The following TNXB variants were observed in gnomAD, a reference collection of about 807,000 sequenced individuals.
TNXB encodes the protein tenascin XB.
In TNXB, 183 loss-of-function variants were observed where a neutral mutation model predicts 340.5. The observed-to-expected ratio is 0.54, with a 90% confidence interval of 0.48 to 0.61. The LOEUF is 0.61. TNXB is among the 20% of genes least tolerant of loss of function. The pLI is 0.00. For missense variants in TNXB, 4,613 were observed against 5,446.4 expected, an observed-to-expected ratio of 0.85 and a Z score of 4.82; for synonymous variants, 2,121 against 2,314.5, an observed-to-expected ratio of 0.92 and a Z score of 2.40.
chr6:32,068,310 A>C lies in TNXB; in HGVS notation c.6220+80T>G. The C allele has an allele frequency of 6.5e-7, 1 of 1,542,264 alleles. No homozygotes were observed. Among genetic ancestry groups the C allele is most frequent in the Non-Finnish European group, 8.8e-7 (1 of 1,140,426 alleles). On this transcript the variant is annotated intron_variant, in intron 17 of 43. Transcript: ENST00000644971. This position sits in a 1 kb window ranked among gnomAD's most constrained non-coding sequence, Gnocchi z 5.3. ...GTGGTGCTGACCAGACCCTTGTCCC[A>C]TTCCCCACCAGTCATCACCAAAGAG...
At chr6:32,093,125 C>A in intron 4 of TNXB, 1 of 486,404 alleles carries the variant, frequency 2.1e-6, no homozygotes, top group Non-Finnish European at 3.7e-6. Context: ...ATTCTTCTTT[C>A]CCTGAAATTT....
chr6:32,087,761 C>A lies in TNXB; in HGVS notation c.2779+1024G>T. ...TAGCCGTGAGCCCGCAGGTGGCGCTCCAGGTCCTGCACCGTGCCGCGGAAA... is the reference window on the plus strand; with the variant it reads ...TAGCCGTGAGCCCGCAGGTGGCGCTACAGGTCCTGCACCGTGCCGCGGAAA... On this transcript the variant is annotated intron_variant, in intron 6 of 43. Coordinates refer to ENST00000644971, the MANE Select transcript of TNXB (RefSeq NM_001365276.2). This position sits in a 1 kb window ranked among gnomAD's most constrained non-coding sequence, Gnocchi z 9.0. The A allele has an allele frequency of 2.0e-6, 1 of 510,348 alleles. No homozygotes were observed. 31.6% of individuals were successfully genotyped at this position (510,348 alleles called of 1,614,324 possible).
At position 32,097,038 on chromosome 6, in the gene TNXB, C is replaced by T. The variant is rs748095567; in HGVS notation, c.815G>A (p.Gly272Asp). ...GRCVCDPGYT[G>D]DDCGMRSCPR... ...GCAGCTCCTCATGCCACAGTCGTCA[C>T]CAGTGTAGCCTGGGTCACACACGCA... Residue 272 changes from glycine (G) to aspartate (D), a missense_variant, in exon 3 of 44, where the codon GGT becomes GAT. By Grantham distance (94) the Gly-to-Asp change is moderately conservative. This residue lies in a region of TNXB where 4,327 missense variants were observed against 4,859.4 expected (regional missense o/e 0.89). Coordinates refer to ENST00000644971, the MANE Select transcript of TNXB (RefSeq NM_001365276.2). This position sits in a 1 kb window ranked among gnomAD's most constrained non-coding sequence, Gnocchi z 5.9. 4 of 1,613,644 alleles carry T rather than the reference C, an allele frequency of 2.5e-6. No homozygotes were observed. Among genetic ancestry groups the T allele is most frequent in the East Asian group, 4.5e-5 (2 of 44,858 alleles).
rs1778058157 is a variant in TNXB, at chr6:32,062,160, T to G, written c.7165A>C (p.Thr2389Pro). 1 of 1,610,190 alleles carries G rather than the reference T, an allele frequency of 6.2e-7. No individual in the cohort carries two copies. Among genetic ancestry groups the G allele is most frequent in the Non-Finnish European group, 8.5e-7 (1 of 1,177,564 alleles). Residue 2389 changes from threonine (T) to proline (P), a missense_variant, in exon 20 of 44, where the codon ACA becomes CCA. By Grantham distance (38) the Thr-to-Pro change is conservative. Coordinates refer to ENST00000644971, the MANE Select transcript of TNXB (RefSeq NM_001365276.2). This position sits in a 1 kb window ranked among gnomAD's most constrained non-coding sequence, Gnocchi z 4.3. ...RVGPVSAIGV[T>P]AAEEETPSPT... ...GGGGCTCCCATCGTCCACTCACCTG[T>G]CACCCCGATGGCAGACACGGGGCCC...
At position 32,081,941 on chromosome 6, in the gene TNXB, G is replaced by T; in HGVS notation, c.3736+95C>A. On this transcript the variant is annotated intron_variant, in intron 9 of 43. Transcript: ENST00000644971. This position sits in a 1 kb window ranked among gnomAD's most constrained non-coding sequence, Gnocchi z 5.1. Reference sequence around the variant, plus strand: ...TGGGGCCGGGAAGCTGGAGTCAGCTGTCTTGCTGGGGGACCCCAGCTGGTT... The same window carrying T: ...TGGGGCCGGGAAGCTGGAGTCAGCTTTCTTGCTGGGGGACCCCAGCTGGTT... 1 of 1,286,442 alleles carries T rather than the reference G, an allele frequency of 7.8e-7. No homozygotes were observed. The highest frequency in any genetic ancestry group is 1.4e-5 in the South Asian group (1 of 69,778). The allele number at this position is 1,286,442 out of a possible 1,614,324, so 79.7% of individuals were successfully genotyped here. A position where few individuals can be genotyped will look rare whatever the true frequency, so the allele number is the denominator to read the frequency against.
chr6:32,085,655 T>C lies in TNXB; in HGVS notation c.3148+95A>G, dbSNP rs1779722025. On this transcript the variant is annotated intron_variant, in intron 7 of 43. Transcript: ENST00000644971. This position sits in a 1 kb window ranked among gnomAD's most constrained non-coding sequence, Gnocchi z 6.4. Reference sequence around the variant, plus strand: ...CCCAAACATCAGCCCTGCCCTTCACTGGCCCCTCAATATCCATCCTACCTC... The same window carrying C: ...CCCAAACATCAGCCCTGCCCTTCACCGGCCCCTCAATATCCATCCTACCTC... 7.2e-7 allele frequency: 1 copy of C among 1,381,906 alleles called. No homozygotes were observed. Among genetic ancestry groups the C allele is most frequent in the Admixed American group, 2.8e-5 (1 of 35,672 alleles). 85.6% of individuals were successfully genotyped at this position (1,381,906 alleles called of 1,614,324 possible).
chr6:32,069,117 T>C lies in TNXB; in HGVS notation c.5607A>G (p.Glu1869=). Residue 1869 remains glutamate (E), a synonymous_variant, in exon 16 of 44, where the codon GAA becomes GAG. Transcript: ENST00000644971. This position sits in a 1 kb window ranked among gnomAD's most constrained non-coding sequence, Gnocchi z 6.2. ...VAITAGREET[E]TETTAPTPPA... ...GAGGGGTCGGGGCCGTGGTCTCAGT[T>C]TCCGTTTCTTCCCTGCCGGCTGGTT... 1 of 1,608,428 alleles carries C rather than the reference T, an allele frequency of 6.2e-7. No individual in the cohort carries two copies.
chr6:32,081,444 G>A lies in TNXB; in HGVS notation c.3966C>T (p.Asp1322=). 1 of 1,579,010 alleles carries A rather than the reference G, an allele frequency of 6.3e-7. No individual in the cohort carries two copies. Among genetic ancestry groups the A allele is most frequent in the African/African-American group, 1.3e-5 (1 of 74,260 alleles). ...NEVTVPGLDP[D]RKYKMNLYGL... is the part of the protein sequence containing the mutation. ...CGTAGAGGTTCATCTTATACTTCCG[G>A]TCGGGATCCAGGCCGGGGACAGTAA... Residue 1322 remains aspartate (D), a synonymous_variant, in exon 10 of 44, where the codon GAC becomes GAT. Transcript: ENST00000644971. This position sits in a 1 kb window ranked among gnomAD's most constrained non-coding sequence, Gnocchi z 5.1.
At chr6:32,057,794 T>A (rs1777758399) in intron 22 of TNXB, among the ~76,000 whole-genome samples, 1 of 152,198 alleles carries the variant, frequency 6.6e-6, no homozygotes, top group African/African-American at 2.4e-5. Context: ...GTCCTGGCTG[T>A]CCCCTGGGTA....
In TNXB at chr6:32,103,335, C is replaced by T. The variant is rs147994562; in HGVS notation, c.-8-5129G>A. On this transcript the variant is annotated intron_variant, in intron 1 of 43. Transcript: ENST00000644971. ...ATCCCAGCTACTTGGGAGGCTGAGG[C>T]GGGAGAATCGCTTGAACCTGGGAGG... 6.9e-3 allele frequency among the ~76,000 whole-genome samples: 1,039 copies of T among 150,684 alleles called. 4 individuals are homozygous for T. Among genetic ancestry groups the T allele is most frequent in the Middle Eastern group, 0.017 (5 of 288 alleles).
At chr6:32,103,860 T>C (rs4711286) in intron 1 of TNXB, among the ~76,000 whole-genome samples, 55,677 of 151,276 alleles carry the variant, frequency 0.37, 11,298 homozygotes, top group Middle Eastern at 0.45. Context: ...GCCTCCCGAG[T>C]AGCTGGGACT....
rs1778714262 is a variant in TNXB, at chr6:32,070,562, C to G, written c.4991-148G>C. On this transcript the variant is annotated intron_variant, in intron 13 of 43. Transcript: ENST00000644971. This position sits in a 1 kb window ranked among gnomAD's most constrained non-coding sequence, Gnocchi z 6.0. The stretch of plus-strand genomic sequence containing the variant: ...CTCCCATCCTCACCACCATCTCCGT[C>G]TGGTCCATGCCTCTCTCCCCTTGAC... The G allele has an allele frequency of 1.1e-6, 1 of 924,036 alleles. No homozygotes were observed. The allele number at this position is 924,036 out of a possible 1,614,324, so 57.2% of individuals were successfully genotyped here.
Position 32,082,079 on chromosome 6 carries a change from C to T in TNXB, c.3693G>A (p.Ala1231=), listed in dbSNP as rs369459090. The change falls in exon 9 of 44, where the codon GCG becomes GCA. Residue 1231 remains alanine (A), a synonymous_variant. Transcript: ENST00000644971. The surrounding 1 kb of genome is among the most constrained non-coding windows in gnomAD (Gnocchi z 5.0). ...HKYRFTLFGI[A]NKKRYGPLTA... is the part of the protein sequence containing the mutation. ...TGAGGGGGCCATACCGCTTCTTGTT[C>T]GCAATTCCAAACAGAGTGAATCTGT... is the stretch of plus-strand genomic sequence containing the variant. 3.7e-6 allele frequency: 6 copies of T among 1,608,858 alleles called. No individual in the cohort carries two copies. The highest frequency in any genetic ancestry group is 5.1e-6 in the Non-Finnish European group (6 of 1,178,010).
At position 32,083,608 on chromosome 6, in the gene TNXB, C is replaced by G. The variant is rs781771564; in HGVS notation, c.3445+805G>C. ...ACACCTTGCTTTCCTTCGCCTCCCC[C>G]ATCCAGCCCCACTGCCACCATCCCA... On this transcript the variant is annotated intron_variant, in intron 8 of 43. Coordinates refer to ENST00000644971, the MANE Select transcript of TNXB (RefSeq NM_001365276.2). This position sits in a 1 kb window ranked among gnomAD's most constrained non-coding sequence, Gnocchi z 4.6. Among the ~76,000 whole-genome samples, 10 of 152,178 alleles carry G rather than the reference C, an allele frequency of 6.6e-5. No homozygotes were observed. Among genetic ancestry groups the G allele is most frequent in the Non-Finnish European group, 1.5e-4 (10 of 68,028 alleles).
At position 32,062,573 on chromosome 6, in the gene TNXB, C is replaced by T; in HGVS notation, c.6842-90G>A. The T allele has an allele frequency of 7.9e-7, 1 of 1,266,114 alleles. No homozygotes were observed. The highest frequency in any genetic ancestry group is 1.5e-5 in the South Asian group (1 of 65,154). The allele number at this position is 1,266,114 out of a possible 1,614,324, so 78.4% of individuals were successfully genotyped here. A position where few individuals can be genotyped will look rare whatever the true frequency, so the allele number is the denominator to read the frequency against. ...GATTCTCTTAGACACACCAAGGGCC[C>T]ACAGTCTGGATGCTGGTGCCCCAAG... On this transcript the variant is annotated intron_variant, in intron 19 of 43. Coordinates refer to ENST00000644971, the MANE Select transcript of TNXB (RefSeq NM_001365276.2). This position sits in a 1 kb window ranked among gnomAD's most constrained non-coding sequence, Gnocchi z 4.3.
Position 32,058,389 on chromosome 6 carries a change from G to A in TNXB, c.7494C>T (p.Ala2498=). 1.3e-6 allele frequency: 2 copies of A among 1,598,056 alleles called. No individual in the cohort carries two copies. Among genetic ancestry groups the A allele is most frequent in the Non-Finnish European group, 1.7e-6 (2 of 1,172,586 alleles). The part of the protein sequence containing the change: ...VGPVSTVGVT[A]PQEDVDETPS... ...GGGTCTCGTCCACATCCTCTTGTGG[G>A]GCTGAAAGGTAATATAGGGGGATAC... The change falls in exon 22 of 44, where the codon GCC becomes GCT. Residue 2498 remains alanine, a splice_region_variant and synonymous_variant. Transcript: ENST00000644971. The surrounding 1 kb of genome is among the most constrained non-coding windows in gnomAD (Gnocchi z 5.1).
chr6:32,076,695 C>T (rs1779098285), intron 11 of TNXB, among the ~76,000 whole-genome samples: 1 of 152,158 alleles, frequency 6.6e-6, no homozygotes, highest in Non-Finnish European at 1.5e-5. Context: ...CAAGATCATA[C>T]AGCTGGCTGG....
rs1206497767 is a variant in TNXB at position 32,067,787 on chromosome 6, G to A, written c.6418C>T (p.Arg2140Cys). 2.4e-5 allele frequency: 39 copies of A among 1,613,404 alleles called. No individual in the cohort carries two copies. The highest frequency in any genetic ancestry group is 3.3e-5 in the South Asian group (3 of 91,066). ...KDRDGRPQVV[R>C]VGGEESEVTV... ...ACTTCACTCTCCTCGCCCCCAACAC[G>A]CACCACCTGGGGCCGCCCGTCCCTG... The change falls in exon 18 of 44, where the codon CGT becomes TGT. Residue 2140 changes from arginine to cysteine, a missense_variant. Coordinates refer to ENST00000644971, the MANE Select transcript of TNXB (RefSeq NM_001365276.2). The surrounding 1 kb of genome is among the most constrained non-coding windows in gnomAD (Gnocchi z 4.2).
chr6:32,079,109 C>T lies in TNXB; in HGVS notation c.4299G>A (p.Gly1433=). 1 of 1,613,746 alleles carries T rather than the reference C, an allele frequency of 6.2e-7. No individual in the cohort carries two copies. The highest frequency in any genetic ancestry group is 8.5e-7 in the Non-Finnish European group (1 of 1,179,882). The change falls in exon 11 of 44, where the codon GGG becomes GGA. Residue 1433 remains glycine (G), a synonymous_variant. Coordinates refer to ENST00000644971, the MANE Select transcript of TNXB (RefSeq NM_001365276.2). The surrounding 1 kb of genome is among the most constrained non-coding windows in gnomAD (Gnocchi z 7.1). The stretch of plus-strand genomic sequence containing the variant: ...CGTACAGGTGCATCTTGTACTTGTG[C>T]CCGGGCTCTAGGCCTCCCACGGTGA... ...SEVTVGGLEP[G]HKYKMHLYGL... is the part of the protein sequence containing the mutation.
Sources: allele counts gnomAD v4.1 joint callset (sites outside exome capture counted in the v4.1 genomes callset), GRCh38; gene constraint gnomAD v4.1.1; regional missense constraint gnomAD v4.1.1; non-coding constraint Gnocchi (gnomAD v3.1); transcripts MANE v1.5; gene names NCBI Gene and HGNC (gene_info 2026-07-23, HGNC 2026-07-21).